The following CNTN3 variants were observed in gnomAD, a reference collection of about 807,000 sequenced individuals.
The protein encoded by CNTN3 is contactin-3.
A neutral mutation model predicts 119.1 loss-of-function variants in CNTN3; 60 were observed. The observed-to-expected ratio is 0.50, with a 90% CI of 0.41 to 0.62. CNTN3 has a LOEUF of 0.62. CNTN3 is among the 20% of genes least tolerant of loss of function. The pLI is 0.00. For missense variants in CNTN3, 1,101 were observed against 1,242.4 expected (o/e 0.89, Z 1.71); for synonymous variants, 450 against 438.7 (o/e 1.03, Z -0.32).
chr3:74,518,279 A>T (rs554806028), intron 2 of CNTN3, among the ~76,000 whole-genome samples: 1 of 152,030 alleles, frequency 6.6e-6, no homozygotes, highest in East Asian at 1.9e-4. Context: ...TCACATGCGT[A>T]CTCTGATAAA....
chr3:74,551,754 C>CTTTTTTTTTTTTTTTTTT (rs776621925), intron 1 of CNTN3, among the ~76,000 whole-genome samples: 3 of 60,202 alleles, frequency 5.0e-5, no homozygotes, highest in African/African-American at 8.6e-5. Flanking sequence ...TCTTCTTCTT[C>CTTTTTTTTTTTTTTTTTT]TTTTTTTTTT....
At chr3:74,473,469 C>T (rs531842724) in intron 4 of CNTN3, among the ~76,000 whole-genome samples, 1 of 152,250 alleles carries the variant, frequency 6.6e-6, no homozygotes, top group South Asian at 2.1e-4. Context: ...AATGTCAAGA[C>T]AATTCAAGTA....
chr3:74,446,642 ACT>A (rs1702052420), intron 4 of CNTN3, among the ~76,000 whole-genome samples: 1 of 151,694 alleles, frequency 6.6e-6, no homozygotes, highest in Non-Finnish European at 1.5e-5. Context: ...TTAAAATAAT[ACT>A]GAGTTAAATA....
At chr3:74,346,493 A>C (rs1381976354) in intron 11 of CNTN3, among the ~76,000 whole-genome samples, 2 of 152,216 alleles carry the variant, frequency 1.3e-5, no homozygotes, top group Non-Finnish European at 2.9e-5. Flanking sequence ...ACAGAATTGT[A>C]AAATACACAA....
rs1398296483 is a variant in CNTN3, at chr3:74,343,063, T to C, written c.1365-6405A>G. Among the ~76,000 whole-genome samples, 3 of 152,228 alleles carry C rather than the reference T, an allele frequency of 2.0e-5. No homozygotes were observed. The East Asian group carries it at 5.8e-4, about 29-fold the overall frequency. ...CTCATACTTGACACTACTATTCTTC[T>C]ATGCCTCAGAGAGAGTTATATGAGT... On this transcript the variant is annotated intron_variant, in intron 11 of 22. Transcript: ENST00000263665.
intron 1 of CNTN3, among the ~76,000 whole-genome samples, chr3:74,579,313 T>C (rs1704466154): frequency 6.6e-6 from 1 of 151,740 alleles, no homozygotes; most frequent in Non-Finnish European, 1.5e-5. Flanking sequence ...AGTTGAAGAC[T>C]TTAAAAGCAC....
chr3:74,403,272 A>G (rs7625556), intron 5 of CNTN3, among the ~76,000 whole-genome samples: 112,457 of 151,792 alleles, frequency 0.74, 41,713 homozygotes, highest in East Asian at 0.81. Context: ...ATATTTTGTT[A>G]AGAGGAATTG....
At chr3:74,489,204 T>A (rs1170466761) in intron 3 of CNTN3, among the ~76,000 whole-genome samples, 1 of 152,080 alleles carries the variant, frequency 6.6e-6, no homozygotes, top group Non-Finnish European at 1.5e-5. Flanking sequence ...CTAAACCATA[T>A]CTACTGAGTC....
At chr3:74,391,372 C>G (rs924005501) in intron 5 of CNTN3, among the ~76,000 whole-genome samples, 2 of 152,058 alleles carry the variant, frequency 1.3e-5, no homozygotes, top group Admixed American at 1.3e-4. Context: ...CTACTGCTTA[C>G]CAATTACATG....
intron 1 of CNTN3, among the ~76,000 whole-genome samples, chr3:74,551,273 G>A (rs532651616): frequency 1.3e-5 from 2 of 152,310 alleles, no homozygotes; most frequent in South Asian, 4.1e-4. Context: ...ACGACACTCA[G>A]AAGCTGTCAG....
At chr3:74,554,708 C>T (rs1388026764) in intron 1 of CNTN3, among the ~76,000 whole-genome samples, 1 of 152,138 alleles carries the variant, frequency 6.6e-6, no homozygotes, top group East Asian at 1.9e-4. Flanking sequence ...CATGATTTGG[C>T]TCTCTGCCTG....
Position 74,269,629 on chromosome 3 carries a change from T to C in CNTN3, c.2705-2251A>G, listed in dbSNP as rs111324373. 2.6e-3 allele frequency among the ~76,000 whole-genome samples: 398 copies of C among 152,234 alleles called. 5 individuals carry two copies. Among genetic ancestry groups the C allele is most frequent in the African/African-American group, 8.4e-3 (348 of 41,556 alleles). Reference sequence around the variant, plus strand: ...GTTCATGACAGCATTATTCAAAAGATGGGTGGATGAACAAAATGGGGCATT... The same window carrying C: ...GTTCATGACAGCATTATTCAAAAGACGGGTGGATGAACAAAATGGGGCATT... On this transcript the variant is annotated intron_variant, in intron 20 of 22. Coordinates refer to ENST00000263665, the MANE Select transcript of CNTN3 (RefSeq NM_020872.3).
chr3:74,575,612 C>CACACACACAT (rs1704402703), intron 1 of CNTN3, among the ~76,000 whole-genome samples: 1 of 150,212 alleles, frequency 6.7e-6, no homozygotes, highest in Non-Finnish European at 1.5e-5. Context: ...TCCCAACACA[C>CACACACACAT]ACACACACAC....
At chr3:74,431,658 G>A (rs1177614500) in intron 4 of CNTN3, among the ~76,000 whole-genome samples, 1 of 152,148 alleles carries the variant, frequency 6.6e-6, no homozygotes, top group African/African-American at 2.4e-5. Flanking sequence ...AAGGCCACAT[G>A]TGCAATTGGG....
At chr3:74,313,130 CAG>C (rs553787963) in intron 13 of CNTN3, among the ~76,000 whole-genome samples, 78 of 149,500 alleles carry the variant, frequency 5.2e-4, no homozygotes, top group Non-Finnish European at 9.4e-4. Flanking sequence ...TCTTACAAAA[CAG>C]AGAAAAACAG....
At chr3:74,326,931 A>G (rs75913917) in intron 13 of CNTN3, among the ~76,000 whole-genome samples, 1,642 of 152,150 alleles carry the variant, frequency 0.011, 12 homozygotes, top group Middle Eastern at 0.02. Context: ...ATGTGGAAGA[A>G]GTATCTTTGT....
chr3:74,488,262 G>A (rs11925160), intron 3 of CNTN3, among the ~76,000 whole-genome samples: 6,604 of 151,744 alleles, frequency 0.044, 474 homozygotes, highest in African/African-American at 0.15. Flanking sequence ...ACAGGCGCCC[G>A]ACACCACGCC....
intron 1 of CNTN3, among the ~76,000 whole-genome samples, chr3:74,551,232 G>A (rs1284897416): frequency 6.6e-6 from 1 of 152,144 alleles, no homozygotes; most frequent in African/African-American, 2.4e-5. Context: ...AGAGATGCAG[G>A]CACAAAGACC....
rs1307088641 is a variant in CNTN3, at chr3:74,281,689, G to T, written c.2704+3616C>A. 2.0e-5 allele frequency among the ~76,000 whole-genome samples: 3 copies of T among 152,114 alleles called. No homozygotes were observed. In the South Asian group the frequency reaches 6.2e-4, roughly 32 times the overall value. ...TGATAAATCTAAAAGTAAGATTCTG[G>T]ATCTAGCGTAGGGTATGAGAGAAAA... is the stretch of plus-strand genomic sequence containing the variant. On this transcript the variant is annotated intron_variant, in intron 20 of 22. Coordinates refer to ENST00000263665, the MANE Select transcript of CNTN3 (RefSeq NM_020872.3).
Sources: gnomAD v4.1 joint callset for allele counts (sites outside exome capture counted in the v4.1 genomes callset) on GRCh38, gnomAD v4.1.1 for gene constraint, MANE v1.5 for transcripts, NCBI Gene and HGNC (gene_info 2026-07-23, HGNC 2026-07-21) for gene names.